PCSK5: variants seen among roughly 807,000 people sequenced by gnomAD.
The protein encoded by PCSK5 is prohormone convertase 5.
A neutral mutation model predicts 233.2 loss-of-function variants in PCSK5; 129 were observed. The observed-to-expected ratio is 0.55, with a 90% CI of 0.48 to 0.64. PCSK5 has a LOEUF of 0.64. Among genes scored for constraint, PCSK5 ranks in the 30% least tolerant of loss-of-function variants. The pLI is 0.00. For synonymous variants in PCSK5, 825 were observed against 879.2 expected, an observed-to-expected ratio of 0.94 and a Z score of 1.09; for missense variants, 2,076 against 2,430.1, an observed-to-expected ratio of 0.85 and a Z score of 3.06.
At chr9:76,327,610 C>T (rs540578762) in intron 32 of PCSK5, among the ~76,000 whole-genome samples, 10 of 152,180 alleles carry the variant, frequency 6.6e-5, no homozygotes, top group African/African-American at 1.9e-4. Flanking sequence ...TCGTGATAAG[C>T]TCAAGGTACT....
chr9:76,100,221 G>T (rs1392101863), intron 8 of PCSK5, among the ~76,000 whole-genome samples: 3 of 152,304 alleles, frequency 2.0e-5, no homozygotes, highest in South Asian at 4.1e-4. Context: ...TACTATGAAA[G>T]AAGCTCTTTC....
intron 29 of PCSK5, among the ~76,000 whole-genome samples, chr9:76,309,809 CATATAAA>C (rs1467494463): frequency 6.6e-6 from 1 of 152,118 alleles, no homozygotes. Flanking sequence ...CAATTATAAT[CATATAAA>C]ATATAAAAGG....
chr9:75,982,520 T>G (rs981551536), intron 2 of PCSK5, among the ~76,000 whole-genome samples: 1 of 152,190 alleles, frequency 6.6e-6, no homozygotes, highest in Non-Finnish European at 1.5e-5. Context: ...TATCTCAGTT[T>G]GGTTTCATTT....
At chr9:76,236,023 C>A (rs1476020269) in intron 22 of PCSK5, among the ~76,000 whole-genome samples, 1 of 152,224 alleles carries the variant, frequency 6.6e-6, no homozygotes, top group South Asian at 2.1e-4. Flanking sequence ...TTAATTGTGA[C>A]TTCATTAAGG....
chr9:76,227,476 A>C, intron 20 of PCSK5, 27 bp from the exon 21 acceptor site: 1 of 1,524,208 alleles, frequency 6.6e-7, no homozygotes, highest in Non-Finnish European at 9.1e-7. Context: ...GTAGAAATGA[A>C]ATAAACAACT....
intron 24 of PCSK5, among the ~76,000 whole-genome samples, chr9:76,244,775 G>C (rs565292706): frequency 6.6e-6 from 1 of 152,026 alleles, no homozygotes; most frequent in Admixed American, 6.6e-5. Flanking sequence ...TGATTGTTTC[G>C]TCTGGAAGAA....
At chr9:75,967,995 C>T (rs1164659302) in intron 2 of PCSK5, among the ~76,000 whole-genome samples, 1 of 152,188 alleles carries the variant, frequency 6.6e-6, no homozygotes, top group East Asian at 1.9e-4. Context: ...CTCCCGACCT[C>T]AGGTGATCCG....
intron 2 of PCSK5, among the ~76,000 whole-genome samples, chr9:75,949,705 T>C (rs575184466): frequency 6.6e-6 from 1 of 152,060 alleles, no homozygotes; most frequent in Non-Finnish European, 1.5e-5. Flanking sequence ...CTTTTTTATT[T>C]TTAGTAGAGA....
chr9:75,975,902 T>G (rs950065057), intron 2 of PCSK5, among the ~76,000 whole-genome samples: 1 of 152,226 alleles, frequency 6.6e-6, no homozygotes, highest in African/African-American at 2.4e-5. Flanking sequence ...CATGCAGTGA[T>G]GATTTTGACC....
At chr9:76,041,180 T>G (rs1829102672) in intron 5 of PCSK5, among the ~76,000 whole-genome samples, 1 of 152,210 alleles carries the variant, frequency 6.6e-6, no homozygotes, top group East Asian at 1.9e-4. Flanking sequence ...AAGTAAAAAG[T>G]TCTTTTTATG....
Position 76,188,580 on chromosome 9 carries a change from T to G in PCSK5, c.2285T>G (p.Leu762Arg). 1 of 1,611,316 alleles carries G rather than the reference T, an allele frequency of 6.2e-7. No homozygotes were observed. The highest frequency in any genetic ancestry group is 8.5e-7 in the Non-Finnish European group (1 of 1,177,516). The change falls in exon 18 of 38, where the codon CTG becomes CGG. Residue 762 changes from leucine (L) to arginine (R), a missense_variant and splice_region_variant. Coordinates refer to ENST00000674117, the MANE Select transcript of PCSK5 (RefSeq NM_001372043.1). ...NCTECRDGLS[L>R]QGSRCSVSCE... ...AGCTCCCTTTATACTTCTTCCAGCC[T>G]GCAGGGATCCCGGTGCTCTGTCTCC... is the stretch of plus-strand genomic sequence containing the variant.
At chr9:75,896,197 T>C (rs1825794945) in intron 1 of PCSK5, among the ~76,000 whole-genome samples, 1 of 152,188 alleles carries the variant, frequency 6.6e-6, no homozygotes, top group Non-Finnish European at 1.5e-5. Context: ...GAACCTTTGC[T>C]GGAAAAAACA....
At chr9:76,261,890 T>A (rs1827185182) in intron 24 of PCSK5, among the ~76,000 whole-genome samples, 1 of 152,214 alleles carries the variant, frequency 6.6e-6, no homozygotes, top group Admixed American at 6.5e-5. Context: ...GCTTATTAGC[T>A]TAAGGAGATT....
intron 19 of PCSK5, 121 bp from the exon 20 acceptor site, chr9:76,189,510 A>G: frequency 1.4e-6 from 1 of 701,122 alleles, no homozygotes; most frequent in South Asian, 1.8e-5. Flanking sequence ...TGTTGTGAGG[A>G]AAGATTTTTG....
chr9:75,988,079 G>A (rs1427656881), intron 3 of PCSK5, among the ~76,000 whole-genome samples: 1 of 152,194 alleles, frequency 6.6e-6, no homozygotes, highest in Non-Finnish European at 1.5e-5. Context: ...TGCATAGTGA[G>A]ATCTTGTCAC....
At chr9:76,122,796 C>T (rs1284904014) in intron 9 of PCSK5, among the ~76,000 whole-genome samples, 2 of 150,624 alleles carry the variant, frequency 1.3e-5, no homozygotes, top group East Asian at 3.9e-4. Flanking sequence ...TACTGTGCTT[C>T]CATCAGTTAC....
chr9:76,210,602 T>C (rs1825293007), intron 20 of PCSK5, among the ~76,000 whole-genome samples: 1 of 152,202 alleles, frequency 6.6e-6, no homozygotes, highest in Non-Finnish European at 1.5e-5. Context: ...TTTAAGGCTC[T>C]TGTATGTCAT....
chr9:75,950,910 G>A (rs1459608476), intron 2 of PCSK5, among the ~76,000 whole-genome samples: 2 of 152,206 alleles, frequency 1.3e-5, no homozygotes, highest in African/African-American at 2.4e-5. Context: ...TTAAATGAAT[G>A]CATCTATTTA....
At chr9:76,173,913 G>A (rs1823453939) in intron 13 of PCSK5, among the ~76,000 whole-genome samples, 1 of 152,044 alleles carries the variant, frequency 6.6e-6, no homozygotes. Flanking sequence ...GTCAGGGGTT[G>A]CAGTGAGCCT....
Sources: allele counts gnomAD v4.1 joint callset (sites outside exome capture counted in the v4.1 genomes callset), GRCh38; gene constraint gnomAD v4.1.1; transcripts MANE v1.5; gene names NCBI Gene and HGNC (gene_info 2026-07-23, HGNC 2026-07-21).